Variants in CFAP52 observed in about 807,000 individuals in gnomAD.
CFAP52 encodes the protein cilia and flagella associated protein 52, also known as cilia- and flagella-associated protein 52.
Under a neutral mutation model 70.5 loss-of-function variants are expected in CFAP52, and 57 were observed. That is an observed-to-expected ratio of 0.81 (90% CI 0.65 to 1.01). The LOEUF is 1.01. Among genes scored for constraint, CFAP52 ranks in the 50% least tolerant of loss-of-function variants. CFAP52 has a pLI of 0.00. For missense variants in CFAP52, 785 were observed against 788.5 expected (o/e 1.00, Z 0.05); for synonymous variants, 267 against 292.5 (o/e 0.91, Z 0.89).
In CFAP52 at chr17:9,585,942, C is replaced by T. The variant is rs1908451610; in HGVS notation, c.240C>T (p.Ala80=). The T allele has an allele frequency of 6.2e-7, 1 of 1,613,780 alleles. No individual in the cohort carries two copies. The highest frequency in any genetic ancestry group is 8.5e-7 in the Non-Finnish European group (1 of 1,179,900). The change falls in exon 2 of 14, where the codon GCC becomes GCT. Residue 80 remains alanine, a synonymous_variant. Coordinates refer to ENST00000352665, the MANE Select transcript of CFAP52 (RefSeq NM_145054.5). ...LAISRSGEYI[A]SGQVTFMGFK... ...TCTCCAGGTCTGGAGAGTACATCGC[C>T]TCCGGACAAGTCACATTCATGGGGT...
intron 3 of CFAP52, among the ~76,000 whole-genome samples, chr17:9,591,446 G>A (rs1908757682): frequency 6.6e-6 from 1 of 152,100 alleles, no homozygotes; most frequent in African/African-American, 2.4e-5. Context: ...TTTATATGAA[G>A]GACATCTATG....
chr17:9,641,859 C>A (rs768084713), intron 13 of CFAP52, 24 bp downstream of exon 13: 2 of 1,594,488 alleles, frequency 1.3e-6, no homozygotes, highest in Admixed American at 1.7e-5. Context: ...TAGGAAAAAG[C>A]CAAGCCTGGC....
At chr17:9,630,782 T>C (rs1910444214) in intron 9 of CFAP52, among the ~76,000 whole-genome samples, 2 of 150,186 alleles carry the variant, frequency 1.3e-5, no homozygotes, top group African/African-American at 2.5e-5. Flanking sequence ...GGTCAGGAGT[T>C]TGAGAACAGC....
chr17:9,643,098 G>A lies in CFAP52; in HGVS notation c.1763G>A (p.Gly588Asp), dbSNP rs765779784. 2.5e-6 allele frequency: 4 copies of A among 1,613,538 alleles called. No homozygotes were observed. The African/African-American group carries it at 5.3e-5, about 22-fold the overall frequency. The change falls in exon 14 of 14, where the codon GGC (glycine) becomes GAC (aspartate). Residue 588 changes from glycine to aspartate, a missense_variant. Gly to Asp is a moderately conservative substitution (Grantham distance 94). Transcript: ENST00000352665. Reference protein sequence around the residue: ...EVTHVGVGHSGNITRIRISPG... With the variant: ...EVTHVGVGHSDNITRIRISPG... The stretch of plus-strand genomic sequence containing the variant: ...ACTCACGTTGGGGTGGGACACAGTG[G>A]CAACATCACACGCATCCGCATAAGT...
At chr17:9,600,288 C>A in intron 6 of CFAP52, 105 bp downstream of exon 6, 1 of 946,450 alleles carries the variant, frequency 1.1e-6, no homozygotes, top group Non-Finnish European at 1.7e-6. Context: ...GTCACTCAAC[C>A]TGGAGTACAG....
In CFAP52 at chr17:9,638,276, G is replaced by T. The variant is rs1910896462; in HGVS notation, c.1473-333G>T. Reference sequence around the variant, plus strand: ...CAAGTACATTGTGTGGGAGGCAGCAGGTTGGCTGTGAGTTCAGCCTCTTCT... The same window carrying T: ...CAAGTACATTGTGTGGGAGGCAGCATGTTGGCTGTGAGTTCAGCCTCTTCT... On this transcript the variant is annotated intron_variant, in intron 11 of 13. Coordinates refer to ENST00000352665, the MANE Select transcript of CFAP52 (RefSeq NM_145054.5). 5.3e-5 allele frequency among the ~76,000 whole-genome samples: 8 copies of T among 152,300 alleles called. No individual in the cohort carries two copies. In the South Asian group the frequency reaches 1.7e-3, roughly 32 times the overall value.
Position 9,586,763 on chromosome 17 carries a change from C to T in CFAP52, c.336C>T (p.Gly112=). 1 of 1,613,768 alleles carries T rather than the reference C, an allele frequency of 6.2e-7. No homozygotes were observed. The change falls in exon 3 of 14, where the codon GGC becomes GGT. Residue 112 remains glycine, a synonymous_variant. Coordinates refer to ENST00000352665, the MANE Select transcript of CFAP52 (RefSeq NM_145054.5). ...TTGCTCGGCTGTCCCTTCACAAAGG[C>T]AAAATTGAAGCTCTGGCCTTTTCTC... ...ELLARLSLHK[G]KIEALAFSPN... is the part of the protein sequence containing the mutation.
intron 1 of CFAP52, among the ~76,000 whole-genome samples, chr17:9,580,862 T>A (rs545797466): frequency 6.6e-6 from 1 of 152,334 alleles, no homozygotes; most frequent in African/African-American, 2.4e-5. Flanking sequence ...TTATAGTATC[T>A]ATTACAATTC....
intron 11 of CFAP52, among the ~76,000 whole-genome samples, chr17:9,635,769 G>T (rs779751452): frequency 6.6e-6 from 1 of 152,206 alleles, no homozygotes; most frequent in Non-Finnish European, 1.5e-5. Context: ...CTGAATGTTA[G>T]AAGTTTCTGG....
At chr17:9,584,607 TA>T (rs1323226571) in intron 1 of CFAP52, among the ~76,000 whole-genome samples, 2 of 60,070 alleles carry the variant, frequency 3.3e-5, no homozygotes, top group Non-Finnish European at 8.6e-5. Flanking sequence ...ATTAATGCAG[TA>T]TTTTTTTTTT....
At chr17:9,587,331 C>T (rs1908542751) in intron 3 of CFAP52, among the ~76,000 whole-genome samples, 1 of 152,180 alleles carries the variant, frequency 6.6e-6, no homozygotes, top group Non-Finnish European at 1.5e-5. Flanking sequence ...GATGCACATA[C>T]AATCATATGT....
intron 8 of CFAP52, 28 bp from the exon 9 acceptor site, chr17:9,628,644 G>A: frequency 1.2e-6 from 2 of 1,602,290 alleles, no homozygotes; most frequent in Non-Finnish European, 8.5e-7. Context: ...ATCTTTTATG[G>A]TTGCATCTCT....
In CFAP52 at chr17:9,631,040, G is replaced by GAA. The variant is rs1555544268; in HGVS notation, c.1175-1847_1175-1846insAA. Among the ~76,000 whole-genome samples, 26 of 37,838 alleles carry GAA rather than the reference G, an allele frequency of 6.9e-4. No homozygotes were observed. The East Asian group carries it at 0.013, about 19-fold the overall frequency. 24.8% of individuals were successfully genotyped at this position (37,838 alleles called of 152,430 possible). On this transcript the variant is annotated intron_variant, in intron 9 of 13. Coordinates refer to ENST00000352665, the MANE Select transcript of CFAP52 (RefSeq NM_145054.5). ...AAAGAAAGAAAGAAAGAGAGAGAGA[G>GAA]AGAGAGAGAGAGAGAAAGAAAGAAA...
intron 1 of CFAP52, chr17:9,584,467 G>A: frequency 2.2e-6 from 2 of 911,508 alleles, no homozygotes; most frequent in Non-Finnish European, 2.9e-6. Flanking sequence ...AATTTAAAGT[G>A]TATAACACAA....
rs1567637213 is a variant in CFAP52, at chr17:9,636,232, AAAG to A, written c.1472+679_1472+681del. Among the ~76,000 whole-genome samples the A allele has an allele frequency of 3.4e-5, 5 of 149,202 alleles. No individual in the cohort carries two copies. In the South Asian group the frequency reaches 1.1e-3, roughly 32 times the overall value. The stretch of plus-strand genomic sequence containing the variant: ...GAAAGAAAGAAAGAAAGAAAGAAAG[AAAG>A]AAAGAAAGAAAGAAAGAGAAAGAAA... On this transcript the variant is annotated intron_variant, in intron 11 of 13. Coordinates refer to ENST00000352665, the MANE Select transcript of CFAP52 (RefSeq NM_145054.5).
intron 1 of CFAP52, chr17:9,584,168 T>C (rs1049308464): frequency 8.4e-6 from 10 of 1,196,922 alleles, no homozygotes; most frequent in Non-Finnish European, 1.1e-5. Context: ...TATTTTCTTT[T>C]ATTTTTGCTG....
At position 9,586,933 on chromosome 17, in the gene CFAP52, T is replaced by C. The variant is rs983061081; in HGVS notation, c.407+99T>C. On this transcript the variant is annotated intron_variant, in intron 3 of 13. Coordinates refer to ENST00000352665, the MANE Select transcript of CFAP52 (RefSeq NM_145054.5). ...CAGGTTTGTTATATAGGTAAACTTA[T>C]GTCACGGGTTTGTTGTACAGATTAT... is the stretch of plus-strand genomic sequence containing the variant. 3.0e-6 allele frequency: 4 copies of C among 1,349,058 alleles called. No homozygotes were observed. In the African/African-American group the frequency reaches 4.5e-5, roughly 15 times the overall value. The allele number at this position is 1,349,058 out of a possible 1,614,324, so 83.6% of individuals were successfully genotyped here.
Position 9,612,430 on chromosome 17 carries a change from C to T in CFAP52, c.976C>T (p.Leu326Phe), listed in dbSNP as rs765570854. The change falls in exon 8 of 14, where the codon CTC becomes TTC. Residue 326 changes from leucine to phenylalanine, a missense_variant. Physicochemically the swap from Leu to Phe is conservative, Grantham distance 22 (BLOSUM62 0). Coordinates refer to ENST00000352665, the MANE Select transcript of CFAP52 (RefSeq NM_145054.5). ...CAGCTTCACGGATTTCAAAGAGACGCTCATAGCGACTTGTCACTTTGATGC... is the reference window on the plus strand; with the variant it reads ...CAGCTTCACGGATTTCAAAGAGACGTTCATAGCGACTTGTCACTTTGATGC... ...RVSFTDFKET[L>F]IATCHFDAVE... The T allele has an allele frequency of 6.2e-7, 1 of 1,614,182 alleles. No homozygotes were observed.
chr17:9,638,279 T>G (rs1910896923), intron 11 of CFAP52, among the ~76,000 whole-genome samples: 1 of 152,188 alleles, frequency 6.6e-6, no homozygotes, highest in Non-Finnish European at 1.5e-5. Context: ...GGCAGCAGGT[T>G]GGCTGTGAGT....
Sources: allele counts gnomAD v4.1 joint callset (sites outside exome capture counted in the v4.1 genomes callset), GRCh38; gene constraint gnomAD v4.1.1; transcripts MANE v1.5; gene names NCBI Gene and HGNC (gene_info 2026-07-23, HGNC 2026-07-21).